TAF4B: variants seen among roughly 807,000 people sequenced by gnomAD.
The protein encoded by TAF4B is TATA-box binding protein associated factor 4b.
TAF4B carries 38 observed loss-of-function variants against 86.4 expected under a neutral mutation model. That is an observed-to-expected ratio of 0.44 (90% CI 0.34 to 0.58). The LOEUF (loss-of-function observed/expected upper bound fraction) is 0.58, where lower values mean the gene tolerates loss of function less well. Ranked by LOEUF, TAF4B falls within the 20% of genes least tolerant of loss-of-function variation. The pLI, the probability that TAF4B is intolerant of heterozygous loss-of-function variation, is 0.02. For synonymous variants in TAF4B, 388 were observed against 391.2 expected (o/e 0.99, Z 0.10); for missense variants, 988 against 1,027.6 (o/e 0.96, Z 0.53).
At chr18:26,251,056 A>C (rs1390968909) in intron 1 of TAF4B, among the ~76,000 whole-genome samples, 1 of 152,228 alleles carries the variant, frequency 6.6e-6, no homozygotes, top group Non-Finnish European at 1.5e-5. Context: ...TTTGGCCTCT[A>C]GTGCCTGAGG....
At position 26,255,541 on chromosome 18, in the gene TAF4B, G is replaced by T. The variant is rs1412032943; in HGVS notation, c.344-9629G>T. Among the ~76,000 whole-genome samples, 16 of 140,822 alleles carry T rather than the reference G, an allele frequency of 1.1e-4. No homozygotes were observed. In the Admixed American group the frequency reaches 1.2e-3, roughly 11 times the overall value. 92.4% of individuals were successfully genotyped at this position (140,822 alleles called of 152,430 possible). ...TCACTTGAACCCGGGAGACGAAGTTGCAGTGAGCCAAGATCACGCCACTGC... is the reference window on the plus strand; with the variant it reads ...TCACTTGAACCCGGGAGACGAAGTTTCAGTGAGCCAAGATCACGCCACTGC... On this transcript the variant is annotated intron_variant, in intron 1 of 14. Transcript: ENST00000269142.
chr18:26,309,859 C>T (rs970176848), intron 9 of TAF4B, among the ~76,000 whole-genome samples: 1 of 152,116 alleles, frequency 6.6e-6, no homozygotes, highest in African/African-American at 2.4e-5. Context: ...GATGAAGTCT[C>T]ACTCTGTCGC....
chr18:26,322,998 CTG>C (rs767226045), intron 11 of TAF4B, among the ~76,000 whole-genome samples: 4 of 151,944 alleles, frequency 2.6e-5, no homozygotes, highest in Non-Finnish European at 5.9e-5. Flanking sequence ...TTCTTTGTGA[CTG>C]TAGAGTATGT....
intron 13 of TAF4B, among the ~76,000 whole-genome samples, chr18:26,347,693 C>T (rs1016933757): frequency 2.0e-5 from 3 of 152,134 alleles, no homozygotes; most frequent in Admixed American, 1.3e-4. Flanking sequence ...TTCACTTCAG[C>T]TGTAAAGACA....
chr18:26,308,350 T>C (rs1220661698), intron 9 of TAF4B, among the ~76,000 whole-genome samples: 1 of 152,190 alleles, frequency 6.6e-6, no homozygotes, highest in Non-Finnish European at 1.5e-5. Context: ...TTTAGTCATA[T>C]GTTGTCATAG....
intron 12 of TAF4B, among the ~76,000 whole-genome samples, chr18:26,334,125 A>G (rs1315527979): frequency 3.9e-5 from 6 of 152,114 alleles, no homozygotes; most frequent in African/African-American, 1.4e-4. Context: ...CTTGAAATGA[A>G]ATTTTGTTAG....
intron 1 of TAF4B, among the ~76,000 whole-genome samples, chr18:26,240,311 G>A (rs1598712429): frequency 6.6e-6 from 1 of 152,304 alleles, no homozygotes; most frequent in East Asian, 1.9e-4. Flanking sequence ...TCCCTTGTAA[G>A]TTGGATTCCT....
rs748049378 is a variant in TAF4B at position 26,274,923 on chromosome 18, A to G, written c.760-8A>G. ...TGTGTTTGCTTATATTTACATTTTC[A>G]TATTTAGACAATGCTAGAAAATGTG... On this transcript the variant is annotated splice_region_variant and splice_polypyrimidine_tract_variant and intron_variant, in intron 4 of 14. Transcript: ENST00000269142. 6.2e-7 allele frequency: 1 copy of G among 1,612,188 alleles called. No individual in the cohort carries two copies. The highest frequency in any genetic ancestry group is 8.5e-7 in the Non-Finnish European group (1 of 1,179,440).
At chr18:26,376,532 T>TA (rs145558580) in intron 14 of TAF4B, among the ~76,000 whole-genome samples, 1 of 151,512 alleles carries the variant, frequency 6.6e-6, no homozygotes. Context: ...TTTTTTTTTT[T>TA]ATCCTGCAGC....
chr18:26,347,814 G>C (rs1206485621), intron 13 of TAF4B, among the ~76,000 whole-genome samples: 1 of 152,098 alleles, frequency 6.6e-6, no homozygotes, highest in Non-Finnish European at 1.5e-5. Flanking sequence ...AGACAAAATG[G>C]TAAAGAAACA....
rs532310438 is a variant in TAF4B, at chr18:26,242,642, T to G, written c.343+15366T>G. ...TCCTGTCATTATGATGTAAGCTGGT[T>G]ATTTTGCTCGTTAGTTGATGCAGTT... On this transcript the variant is annotated intron_variant, in intron 1 of 14. Coordinates refer to ENST00000269142, the MANE Select transcript of TAF4B (RefSeq NM_005640.3). Among the ~76,000 whole-genome samples the G allele has an allele frequency of 3.3e-5, 5 of 152,328 alleles. No homozygotes were observed. The South Asian group carries it at 1.0e-3, about 32-fold the overall frequency.
At chr18:26,363,384 A>G in intron 14 of TAF4B, among the ~76,000 whole-genome samples, 1 of 148,938 alleles carries the variant, frequency 6.7e-6, no homozygotes, top group Admixed American at 6.7e-5. Flanking sequence ...AAAAAAAAAA[A>G]AAAAAAAAAA....
At chr18:26,360,816 T>C (rs2057323221) in intron 14 of TAF4B, among the ~76,000 whole-genome samples, 3 of 152,238 alleles carry the variant, frequency 2.0e-5, no homozygotes, top group African/African-American at 4.8e-5. Flanking sequence ...TTCTGTACAC[T>C]CTGAACCAGT....
intron 13 of TAF4B, among the ~76,000 whole-genome samples, chr18:26,336,524 C>T (rs1007900873): frequency 2.6e-5 from 4 of 151,500 alleles, no homozygotes; most frequent in Non-Finnish European, 5.9e-5. Flanking sequence ...GGACAGGGAA[C>T]GATGGAAAGG....
rs774888811 is a variant in TAF4B at position 26,281,966 on chromosome 18, C to T, written c.883-5C>T. 5.0e-6 allele frequency: 8 copies of T among 1,607,212 alleles called. No homozygotes were observed. The highest frequency in any genetic ancestry group is 3.4e-6 in the Non-Finnish European group (4 of 1,174,934). Reference sequence around the variant, plus strand: ...AAAATTGTTTCTATTTCTCCCATCCCTCAGGATGCAAAAATCGAAGCAGAA... The same window carrying T: ...AAAATTGTTTCTATTTCTCCCATCCTTCAGGATGCAAAAATCGAAGCAGAA... On this transcript the variant is annotated splice_polypyrimidine_tract_variant and splice_region_variant and intron_variant, in intron 5 of 14. Transcript: ENST00000269142.
chr18:26,231,348 T>G (rs1358914541), intron 1 of TAF4B, among the ~76,000 whole-genome samples: 4 of 129,952 alleles, frequency 3.1e-5, no homozygotes, highest in African/African-American at 8.9e-5. Context: ...GCTTGGGGTT[T>G]TTTTTTTTTT....
intron 9 of TAF4B, among the ~76,000 whole-genome samples, chr18:26,312,252 T>A (rs751753025): frequency 1.3e-5 from 2 of 152,244 alleles, no homozygotes; most frequent in Non-Finnish European, 2.9e-5. Flanking sequence ...CCTTTGCTAG[T>A]GTCCTGACCT....
Position 26,286,385 on chromosome 18 carries a change from G to A in TAF4B, c.1476G>A (p.Gly492=), listed in dbSNP as rs3744961. Residue 492 remains glycine, a synonymous_variant, in exon 7 of 15, where the codon GGG becomes GGA. Transcript: ENST00000269142. ...PSVKPVVSSA[G]TTSDKPVIGT... ...TGAAACCTGTTGTTTCTTCTGCTGG[G>A]ACCACATCTGACAAGCCTGTTATTG... The A allele has an allele frequency of 0.11, 172,081 of 1,614,056 alleles. 9,617 individuals carry two copies. Among genetic ancestry groups the A allele is most frequent in the African/African-American group, 0.15 (11,043 of 75,008 alleles).
At chr18:26,345,348 C>T (rs2057168405) in intron 13 of TAF4B, among the ~76,000 whole-genome samples, 1 of 152,226 alleles carries the variant, frequency 6.6e-6, no homozygotes, top group Non-Finnish European at 1.5e-5. Context: ...GCAAAAGTAA[C>T]AGCCCTGTGG....
Sources: allele counts gnomAD v4.1 joint callset (sites outside exome capture counted in the v4.1 genomes callset), GRCh38; gene constraint gnomAD v4.1.1; transcripts MANE v1.5; gene names NCBI Gene and HGNC (gene_info 2026-07-23, HGNC 2026-07-21).